DOCK1: variants seen among roughly 807,000 people sequenced by gnomAD.
DOCK1 encodes dedicator of cytokinesis 1, also known as dedicator of cytokinesis protein 1.
A neutral mutation model predicts 262.7 loss-of-function variants in DOCK1; 138 were observed. That is an observed-to-expected ratio of 0.53 (90% confidence interval 0.46 to 0.61). The LOEUF (loss-of-function observed/expected upper bound fraction) is 0.61, where lower values mean the gene tolerates loss of function less well. DOCK1 is among the 20% of genes least tolerant of loss of function. DOCK1 has a pLI of 0.00. For synonymous variants in DOCK1, 866 were observed against 867.4 expected (o/e 1.00, Z 0.03); for missense variants, 1,908 against 2,370.7 (o/e 0.80, Z 4.05).
intron 27 of DOCK1, among the ~76,000 whole-genome samples, chr10:127,205,229 C>G (rs1051617437): frequency 1.3e-5 from 2 of 152,104 alleles, no homozygotes; most frequent in Admixed American, 6.5e-5. Context: ...CCAACATCTT[C>G]ACCTTCAGAT....
At chr10:127,368,097 C>T (rs2065023324) in intron 33 of DOCK1, among the ~76,000 whole-genome samples, 1 of 152,172 alleles carries the variant, frequency 6.6e-6, no homozygotes, top group Non-Finnish European at 1.5e-5. Context: ...TGGCCAAGCT[C>T]CTGCCAGAAC....
chr10:127,425,057 C>T (rs190101663), intron 46 of DOCK1, among the ~76,000 whole-genome samples: 1 of 152,082 alleles, frequency 6.6e-6, no homozygotes, highest in East Asian at 1.9e-4. Flanking sequence ...TAAATCTGCT[C>T]ATTTAGATTG....
At chr10:127,108,903 G>A (rs2048702733) in intron 24 of DOCK1, among the ~76,000 whole-genome samples, 1 of 152,168 alleles carries the variant, frequency 6.6e-6, no homozygotes, top group African/African-American at 2.4e-5. Context: ...CTGGTAAATG[G>A]CAGTGGTTCA....
At chr10:127,225,463 A>G (rs1450284964) in intron 27 of DOCK1, among the ~76,000 whole-genome samples, 2 of 152,194 alleles carry the variant, frequency 1.3e-5, no homozygotes, top group South Asian at 2.1e-4. Context: ...AAATGACACA[A>G]CATAGGTTGT....
At chr10:127,235,833 T>C (rs925911147) in intron 27 of DOCK1, among the ~76,000 whole-genome samples, 1 of 152,114 alleles carries the variant, frequency 6.6e-6, no homozygotes, top group Admixed American at 6.5e-5. Context: ...TATAGTTATA[T>C]TTCAGTGTGG....
At chr10:127,229,391 TC>T (rs1041603758) in intron 27 of DOCK1, among the ~76,000 whole-genome samples, 24 of 152,190 alleles carry the variant, frequency 1.6e-4, no homozygotes, top group Non-Finnish European at 2.6e-4. Context: ...GTCTCCCCGG[TC>T]CCCCCGCTCT....
At chr10:127,035,823 A>C (rs2043557078) in intron 18 of DOCK1, among the ~76,000 whole-genome samples, 1 of 151,932 alleles carries the variant, frequency 6.6e-6, no homozygotes, top group South Asian at 2.1e-4. Flanking sequence ...CAGCCTGGGC[A>C]ACATGGCGAG....
At chr10:126,913,432 G>A (rs2032099023) in intron 1 of DOCK1, among the ~76,000 whole-genome samples, 1 of 152,202 alleles carries the variant, frequency 6.6e-6, no homozygotes, top group Non-Finnish European at 1.5e-5. Flanking sequence ...ACAACTCCAG[G>A]GGGCACTGTT....
intron 27 of DOCK1, among the ~76,000 whole-genome samples, chr10:127,222,505 C>G (rs2058473765): frequency 6.6e-6 from 1 of 152,142 alleles, no homozygotes; most frequent in South Asian, 2.1e-4. Context: ...CAGAGTATAT[C>G]AAATTGTCAT....
At chr10:127,131,040 A>T (rs2133144654) in intron 27 of DOCK1, among the ~76,000 whole-genome samples, 1 of 152,278 alleles carries the variant, frequency 6.6e-6, no homozygotes, top group East Asian at 1.9e-4. Context: ...CTAGGTGCCC[A>T]TTTCCTGAAG....
At chr10:127,064,895 C>T (rs2045761892) in intron 23 of DOCK1, among the ~76,000 whole-genome samples, 1 of 152,222 alleles carries the variant, frequency 6.6e-6, no homozygotes, top group Non-Finnish European at 1.5e-5. Flanking sequence ...CCCCATCAAA[C>T]ACCAACTCCC....
At chr10:127,213,615 A>T (rs1589971359) in intron 27 of DOCK1, among the ~76,000 whole-genome samples, 1 of 152,228 alleles carries the variant, frequency 6.6e-6, no homozygotes, top group South Asian at 2.1e-4. Flanking sequence ...TACACCAAGC[A>T]TTTGTAGAAG....
intron 27 of DOCK1, among the ~76,000 whole-genome samples, chr10:127,144,310 C>T (rs768439287): frequency 7.9e-5 from 12 of 152,180 alleles, no homozygotes; most frequent in Non-Finnish European, 1.5e-4. Flanking sequence ...CTCCCCCCTG[C>T]CTCATCCACA....
At chr10:127,019,437 T>A (rs2042250005) in intron 13 of DOCK1, among the ~76,000 whole-genome samples, 1 of 152,190 alleles carries the variant, frequency 6.6e-6, no homozygotes, top group South Asian at 2.1e-4. Flanking sequence ...TGTGATACTT[T>A]TTGGTTTGCA....
chr10:127,188,623 T>A (rs1365345705), intron 27 of DOCK1, among the ~76,000 whole-genome samples: 1 of 152,214 alleles, frequency 6.6e-6, no homozygotes, highest in Non-Finnish European at 1.5e-5. Flanking sequence ...CTGGCCGTAG[T>A]CCTTACGAAC....
intron 48 of DOCK1, among the ~76,000 whole-genome samples, chr10:127,433,976 C>A (rs1378009259): frequency 1.3e-5 from 2 of 151,928 alleles, no homozygotes; most frequent in African/African-American, 4.8e-5. Flanking sequence ...AGGTGCAGTC[C>A]GGGCTGGCCA....
chr10:127,255,216 A>G (rs1413785570), intron 28 of DOCK1, among the ~76,000 whole-genome samples: 1 of 152,078 alleles, frequency 6.6e-6, no homozygotes, highest in Non-Finnish European at 1.5e-5. Flanking sequence ...CCTGGGTAAT[A>G]TAGCAAGATG....
intron 29 of DOCK1, among the ~76,000 whole-genome samples, chr10:127,326,910 T>C (rs2135619180): frequency 6.6e-6 from 1 of 152,358 alleles, no homozygotes; most frequent in East Asian, 1.9e-4. Flanking sequence ...CCATCAGAGC[T>C]CTGGGTTGAC....
At chr10:127,046,302 C>T (rs1313170890) in intron 21 of DOCK1, among the ~76,000 whole-genome samples, 1 of 152,160 alleles carries the variant, frequency 6.6e-6, no homozygotes, top group Admixed American at 6.5e-5. Flanking sequence ...GGTGTGTTTT[C>T]CAGCCAATGG....
Sources: gnomAD v4.1 joint callset for allele counts (sites outside exome capture counted in the v4.1 genomes callset) on GRCh38, gnomAD v4.1.1 for gene constraint, MANE v1.5 for transcripts, NCBI Gene and HGNC (gene_info 2026-07-23, HGNC 2026-07-21) for gene names.